The following CACNA1C variants were observed in gnomAD, a reference collection of about 807,000 sequenced individuals.
CACNA1C encodes the protein calcium voltage-gated channel subunit alpha1 C.
CACNA1C carries 30 observed loss-of-function variants against 229.0 expected under a neutral mutation model. The ratio of observed to expected loss-of-function variants is 0.13; its 90% CI spans 0.10 to 0.18. CACNA1C has a LOEUF of 0.18. Among genes scored for constraint, CACNA1C ranks in the 10% least tolerant of loss-of-function variants. The pLI, the probability that CACNA1C is intolerant of heterozygous loss-of-function variation, is 1.00. For synonymous variants in CACNA1C, 1,114 were observed against 1,132.5 expected, an observed-to-expected ratio of 0.98 and a Z score of 0.33; for missense variants, 1,658 against 2,845.0, an observed-to-expected ratio of 0.58 and a Z score of 9.49.
chr12:2,484,922 T>TA (rs1555656132), intron 5 of CACNA1C, among the ~76,000 whole-genome samples: 1 of 151,272 alleles, frequency 6.6e-6, no homozygotes, highest in Non-Finnish European at 1.5e-5. Context: ...TTTTTTTTTT[T>TA]ATCTTCCCAG....
chr12:2,215,482 C>T lies in CACNA1C; in HGVS notation c.477+95052C>T, dbSNP rs2059742079. On this transcript the variant is annotated intron_variant, in intron 3 of 46. Transcript: ENST00000399655. This position sits in a 1 kb window ranked among gnomAD's most constrained non-coding sequence, Gnocchi z 5.0. The stretch of plus-strand genomic sequence containing the variant: ...CCTCCTCCTAGGCTTGGTTCCTCTC[C>T]TTCCTCGGGGCCTGATTCCTCCAGC... 6.6e-6 allele frequency among the ~76,000 whole-genome samples: 1 copy of T among 152,146 alleles called. No individual in the cohort carries two copies. Among genetic ancestry groups the T allele is most frequent in the Non-Finnish European group, 1.5e-5 (1 of 68,032 alleles).
chr12:2,263,100 G>T (rs1293857058), intron 3 of CACNA1C, among the ~76,000 whole-genome samples: 1 of 152,198 alleles, frequency 6.6e-6, no homozygotes, highest in Non-Finnish European at 1.5e-5. Flanking sequence ...GGTCAGGGAA[G>T]GTGTTACTGT....
chr12:2,267,679 G>A (rs1817490364), intron 3 of CACNA1C, among the ~76,000 whole-genome samples: 1 of 152,214 alleles, frequency 6.6e-6, no homozygotes, highest in African/African-American at 2.4e-5. Context: ...TGAATTTCCA[G>A]AGTTCCTTCA....
intron 3 of CACNA1C, among the ~76,000 whole-genome samples, chr12:2,397,157 A>G (rs1253415187): frequency 6.6e-6 from 1 of 152,256 alleles, no homozygotes; most frequent in Non-Finnish European, 1.5e-5. Flanking sequence ...TCATCAGTGG[A>G]TCCAAGTGGA....
intron 3 of CACNA1C, among the ~76,000 whole-genome samples, chr12:2,225,535 C>T (rs1052917173): frequency 7.2e-5 from 11 of 152,128 alleles, no homozygotes; most frequent in Non-Finnish European, 1.3e-4. Flanking sequence ...AATGAAATTG[C>T]GATACTGCCC....
chr12:2,548,689 G>A (rs2099887948), intron 9 of CACNA1C, among the ~76,000 whole-genome samples: 1 of 152,156 alleles, frequency 6.6e-6, no homozygotes, highest in South Asian at 2.1e-4. Context: ...CCATGTTCTT[G>A]AAATGATTCT....
At chr12:2,676,457 T>C (rs190996474) in intron 39 of CACNA1C, 3 of 152,462 alleles carry the variant, frequency 2.0e-5, no homozygotes, top group African/African-American at 4.8e-5. Context: ...TAAGAACTTA[T>C]GGCTTCTCCA....
rs142841789 is a variant in CACNA1C at position 2,343,233 on chromosome 12, C to T, written c.478-105743C>T. ...TGCCACAAAGCTTGTTAAAATTGGG[C>T]GCAAAATGACCAGGTGAAGGTTTAA... On this transcript the variant is annotated intron_variant, in intron 3 of 46. Transcript: ENST00000399655. Among the ~76,000 whole-genome samples the T allele has an allele frequency of 1.5e-3, 234 of 152,244 alleles. 1 individual carries two copies. The highest frequency in any genetic ancestry group is 5.3e-3 in the African/African-American group (222 of 41,536).
At position 2,649,289 on chromosome 12, in the gene CACNA1C, G is replaced by A. The variant is rs1054059365; in HGVS notation, c.3945+782G>A. Among the ~76,000 whole-genome samples, 3 of 152,220 alleles carry A rather than the reference G, an allele frequency of 2.0e-5. No homozygotes were observed. The stretch of plus-strand genomic sequence containing the variant: ...GCCCAGCCGCCTCCAAAAGGCTGCC[G>A]TTATGCATTTCTAACCGGGCCAAGT... On this transcript the variant is annotated intron_variant, in intron 31 of 46. Transcript: ENST00000399655. The surrounding 1 kb of genome is among the most constrained non-coding windows in gnomAD (Gnocchi z 4.4).
chr12:2,222,010 G>A (rs926407186), intron 3 of CACNA1C, among the ~76,000 whole-genome samples: 24 of 152,140 alleles, frequency 1.6e-4, no homozygotes, highest in Non-Finnish European at 4.4e-5. Context: ...GTGTAGACAG[G>A]ATATACTATA....
chr12:2,116,214 A>G (rs1304883379), intron 2 of CACNA1C, among the ~76,000 whole-genome samples: 1 of 152,224 alleles, frequency 6.6e-6, no homozygotes. Flanking sequence ...ATGTGCAGAC[A>G]AAGTTGAGAA....
At chr12:2,242,911 CTTAAT>C (rs1422250374) in intron 3 of CACNA1C, among the ~76,000 whole-genome samples, 2 of 152,156 alleles carry the variant, frequency 1.3e-5, no homozygotes, top group Admixed American at 6.5e-5. Context: ...TGTGGTTATT[CTTAAT>C]TTAAGAGGAA....
rs1275897681 is a variant in CACNA1C, at chr12:2,067,448, A to ACG, written c.49+13838_49+13839dup. Among the ~76,000 whole-genome samples, 2 of 44,330 alleles carry ACG rather than the reference A, an allele frequency of 4.5e-5. No individual in the cohort carries two copies. The highest frequency in any genetic ancestry group is 2.2e-4 in the Admixed American group (1 of 4,508). The allele number at this position is 44,330 out of a possible 152,430, so 29.1% of individuals were successfully genotyped here. A position where few individuals can be genotyped will look rare whatever the true frequency, so the allele number is the denominator to read the frequency against. On this transcript the variant is annotated intron_variant, in intron 1 of 46. Coordinates refer to ENST00000399655, the MANE Select transcript of CACNA1C (RefSeq NM_000719.7). This position sits in a 1 kb window ranked among gnomAD's most constrained non-coding sequence, Gnocchi z 5.3. ...GGCTTAGGACTGTGGACTAGGATGC[A>ACG]CGTGTGTGTGTGTGTGTGTGTGTGT...
chr12:2,553,346 CT>C lies in CACNA1C; in HGVS notation c.1481+3314del, dbSNP rs2042359366. Among the ~76,000 whole-genome samples, 4 of 152,334 alleles carry C rather than the reference CT, an allele frequency of 2.6e-5. No individual in the cohort carries two copies. The South Asian group carries it at 8.3e-4, about 32-fold the overall frequency. On this transcript the variant is annotated intron_variant, in intron 10 of 46. Transcript: ENST00000399655. ...TGGTATCTAAGGGTCCCTTCCAGTTCTGTAAAGCCTACAGTTCTGTAAAGAA... is the reference window on the plus strand; with the variant it reads ...TGGTATCTAAGGGTCCCTTCCAGTTCGTAAAGCCTACAGTTCTGTAAAGAA...
intron 3 of CACNA1C, among the ~76,000 whole-genome samples, chr12:2,321,284 A>T (rs2095983691): frequency 6.6e-6 from 1 of 151,690 alleles, no homozygotes; most frequent in African/African-American, 2.4e-5. Flanking sequence ...CCTGGGTGGG[A>T]TGGATTTGTT....
At chr12:2,330,069 GC>G (rs1477345361) in intron 3 of CACNA1C, among the ~76,000 whole-genome samples, 12 of 152,238 alleles carry the variant, frequency 7.9e-5, no homozygotes, top group African/African-American at 2.9e-4. Context: ...AAGCTGAACA[GC>G]TGTCGGGGTC....
intron 34 of CACNA1C, among the ~76,000 whole-genome samples, chr12:2,657,126 A>G (rs2095465668): frequency 6.6e-6 from 1 of 152,224 alleles, no homozygotes; most frequent in African/African-American, 2.4e-5. Flanking sequence ...CTGTACTTCC[A>G]CAGAATGAAA....
intron 29 of CACNA1C, among the ~76,000 whole-genome samples, chr12:2,629,594 A>C (rs2089345028): frequency 1.3e-5 from 2 of 152,070 alleles, no homozygotes; most frequent in African/African-American, 4.8e-5. Context: ...TAGGGAAGTT[A>C]AGTTATTTGT....
At chr12:2,433,808 C>A (rs960039467) in intron 3 of CACNA1C, among the ~76,000 whole-genome samples, 5 of 152,214 alleles carry the variant, frequency 3.3e-5, no homozygotes, top group African/African-American at 1.2e-4. Context: ...CTGATCATTT[C>A]AAGGGACAGC....
Sources: gnomAD v4.1 joint callset for allele counts (sites outside exome capture counted in the v4.1 genomes callset) on GRCh38, gnomAD v4.1.1 for gene constraint, Gnocchi (gnomAD v3.1) non-coding constraint, MANE v1.5 for transcripts, NCBI Gene and HGNC (gene_info 2026-07-23, HGNC 2026-07-21) for gene names.